Variants in PEX5L observed in about 807,000 individuals in gnomAD.
The protein encoded by PEX5L is peroxisomal biogenesis factor 5 like.
In PEX5L, 30 loss-of-function variants were observed where a neutral mutation model predicts 84.0. The ratio of observed to expected loss-of-function variants is 0.36; its 90% CI spans 0.27 to 0.48. The LOEUF is 0.48. Among genes scored for constraint, PEX5L ranks in the 20% least tolerant of loss-of-function variants. The pLI is 0.99. For missense variants in PEX5L, 533 were observed against 754.6 expected (o/e 0.71, Z 3.44); for synonymous variants, 270 against 283.1 (o/e 0.95, Z 0.46).
intron 2 of PEX5L, among the ~76,000 whole-genome samples, chr3:179,940,697 A>G (rs1775856550): frequency 6.6e-6 from 1 of 152,250 alleles, no homozygotes; most frequent in Non-Finnish European, 1.5e-5. Context: ...GTATATTTAG[A>G]GCAAGACGTA....
chr3:179,947,280 T>C (rs1378451163), intron 2 of PEX5L, among the ~76,000 whole-genome samples: 2 of 151,070 alleles, frequency 1.3e-5, no homozygotes, highest in African/African-American at 4.8e-5. Context: ...ATAATGATAA[T>C]ACAGTTACCA....
At chr3:180,021,168 A>T (rs964360188) in intron 1 of PEX5L, among the ~76,000 whole-genome samples, 4 of 152,186 alleles carry the variant, frequency 2.6e-5, no homozygotes, top group South Asian at 2.1e-4. Flanking sequence ...AGGATCGGCC[A>T]GGTAGGTGAG....
chr3:179,994,776 A>G (rs1787704376), intron 1 of PEX5L, among the ~76,000 whole-genome samples: 1 of 152,124 alleles, frequency 6.6e-6, no homozygotes, highest in African/African-American at 2.4e-5. Context: ...ATCAGCTGCC[A>G]GCGTGACTAG....
At chr3:179,811,326 G>A (rs1472651113) in intron 11 of PEX5L, among the ~76,000 whole-genome samples, 3 of 152,106 alleles carry the variant, frequency 2.0e-5, no homozygotes, top group Non-Finnish European at 2.9e-5. Flanking sequence ...TAGGGAAAGT[G>A]GAAGTCTATT....
At position 179,885,600 on chromosome 3, in the gene PEX5L, C is replaced by T. The variant is rs554048546; in HGVS notation, c.310+2073G>A. Among the ~76,000 whole-genome samples, 8 of 149,150 alleles carry T rather than the reference C, an allele frequency of 5.4e-5. No homozygotes were observed. The East Asian group carries it at 1.1e-3, about 20-fold the overall frequency. The stretch of plus-strand genomic sequence containing the variant: ...GGCGGAGGTTGCAGTGAGCCGAGAT[C>T]GTGCCACTGCACTCCAGCCTGGGTG... On this transcript the variant is annotated intron_variant, in intron 4 of 14. Coordinates refer to ENST00000467460, the MANE Select transcript of PEX5L (RefSeq NM_016559.3).
chr3:179,878,206 T>C (rs1753079850), intron 5 of PEX5L, among the ~76,000 whole-genome samples: 1 of 152,224 alleles, frequency 6.6e-6, no homozygotes, highest in Non-Finnish European at 1.5e-5. Flanking sequence ...GAGCTTGGCA[T>C]GTTCTACATG....
chr3:179,994,906 G>C (rs528420860), intron 1 of PEX5L, among the ~76,000 whole-genome samples: 10 of 151,752 alleles, frequency 6.6e-5, no homozygotes, highest in Non-Finnish European at 1.3e-4. Flanking sequence ...TTCTGTTTTG[G>C]GACTCGGACT....
intron 1 of PEX5L, chr3:179,973,077 G>T: frequency 1.4e-6 from 1 of 729,198 alleles, no homozygotes; most frequent in Non-Finnish European, 1.8e-6. Context: ...TTTGTTCACT[G>T]GTTGCCATAA....
chr3:179,826,456 CT>C (rs1232365791), intron 8 of PEX5L, among the ~76,000 whole-genome samples: 26 of 152,264 alleles, frequency 1.7e-4, no homozygotes, highest in Middle Eastern at 3.4e-3. Context: ...AAAAAAAGAA[CT>C]GCTGTTAATG....
intron 8 of PEX5L, among the ~76,000 whole-genome samples, chr3:179,850,042 T>G (rs2108440547): frequency 6.6e-6 from 1 of 152,292 alleles, no homozygotes; most frequent in East Asian, 1.9e-4. Flanking sequence ...ATTCTGACCT[T>G]AAAAATTTAG....
chr3:179,891,852 T>A (rs547889675), intron 3 of PEX5L, among the ~76,000 whole-genome samples: 120 of 152,282 alleles, frequency 7.9e-4, no homozygotes, highest in African/African-American at 2.7e-3. Context: ...CAAATACATG[T>A]TTTAGATCAT....
chr3:179,806,218 C>T (rs566408059), intron 14 of PEX5L, among the ~76,000 whole-genome samples: 8 of 151,982 alleles, frequency 5.3e-5, no homozygotes, highest in South Asian at 4.2e-4. Flanking sequence ...GAAATCTGGC[C>T]GGGAAAATCA....
rs186732048 is a variant in PEX5L, at chr3:179,939,623, G to T, written c.93+31971C>A. Among the ~76,000 whole-genome samples the T allele has an allele frequency of 1.1e-3, 172 of 152,250 alleles. 1 individual carries two copies. The highest frequency in any genetic ancestry group is 0.01 in the Middle Eastern group (3 of 294). On this transcript the variant is annotated intron_variant, in intron 2 of 14. Coordinates refer to ENST00000467460, the MANE Select transcript of PEX5L (RefSeq NM_016559.3). ...AACTTAGAACATATAGCCCAGTTAG[G>T]CCCCTCATTTACAAAGGAGCAAAGT...
chr3:179,851,854 C>G (rs1305117878), intron 8 of PEX5L, among the ~76,000 whole-genome samples: 2 of 152,154 alleles, frequency 1.3e-5, no homozygotes, highest in East Asian at 3.8e-4. Context: ...TCAGAGAGGA[C>G]AAGCTTAGAA....
chr3:179,904,489 G>A (rs895422438), intron 2 of PEX5L, among the ~76,000 whole-genome samples: 1 of 152,068 alleles, frequency 6.6e-6, no homozygotes, highest in Non-Finnish European at 1.5e-5. Context: ...GAATTCCATG[G>A]CCACCATATG....
At chr3:179,946,262 A>C (rs80084125) in intron 2 of PEX5L, among the ~76,000 whole-genome samples, 5,220 of 152,264 alleles carry the variant, frequency 0.034, 308 homozygotes, top group African/African-American at 0.12. Context: ...AGAGTAAGTG[A>C]ACTAATTTTG....
intron 1 of PEX5L, among the ~76,000 whole-genome samples, chr3:180,034,502 G>A (rs1579434828): frequency 6.6e-6 from 1 of 152,142 alleles, no homozygotes; most frequent in East Asian, 1.9e-4. Flanking sequence ...TTTGGGGGAA[G>A]AGATATGAGT....
intron 1 of PEX5L, among the ~76,000 whole-genome samples, chr3:179,997,052 C>T (rs1351300076): frequency 6.6e-6 from 1 of 152,186 alleles, no homozygotes; most frequent in Non-Finnish European, 1.5e-5. Flanking sequence ...AGCCAGTTTA[C>T]AGACCCAGAC....
chr3:179,833,961 A>G (rs1384863875), intron 8 of PEX5L, among the ~76,000 whole-genome samples: 1 of 152,090 alleles, frequency 6.6e-6, no homozygotes, highest in Non-Finnish European at 1.5e-5. Flanking sequence ...CAGCCTTCCA[A>G]GTATCTAGGG....
Sources: allele counts gnomAD v4.1 joint callset (sites outside exome capture counted in the v4.1 genomes callset), GRCh38; gene constraint gnomAD v4.1.1; transcripts MANE v1.5; gene names NCBI Gene and HGNC (gene_info 2026-07-23, HGNC 2026-07-21).